The following TAOK3 variants were observed in gnomAD, a reference collection of about 807,000 sequenced individuals.
TAOK3 encodes the protein serine/threonine-protein kinase TAO3.
In TAOK3, 40 loss-of-function variants were observed where a neutral mutation model predicts 120.4. That is an observed-to-expected ratio of 0.33 (90% CI 0.26 to 0.43). The LOEUF is 0.43. Ranked by LOEUF, TAOK3 falls within the 20% of genes least tolerant of loss-of-function variation. The probability of loss-of-function intolerance (pLI) is 1.00; values close to 1 mark genes in which losing one functional copy is unlikely to be tolerated. For missense variants in TAOK3, 821 were observed against 1,112.1 expected (o/e 0.74, Z 3.72); for synonymous variants, 355 against 387.5 (o/e 0.92, Z 0.99).
rs561309606 is a variant in TAOK3 at position 118,274,000 on chromosome 12, T to C, written c.-193-7241A>G. On this transcript the variant is annotated intron_variant, in intron 1 of 20. Coordinates refer to ENST00000392533, the MANE Select transcript of TAOK3 (RefSeq NM_016281.4). ...ATCTTAACTTTACAGCAGTGAAAAA[T>C]GAAGTATAAATATATAGTATCTTTT... is the stretch of plus-strand genomic sequence containing the variant. 5.3e-5 allele frequency among the ~76,000 whole-genome samples: 8 copies of C among 152,122 alleles called. No homozygotes were observed. The South Asian group carries it at 1.7e-3, about 32-fold the overall frequency.
intron 1 of TAOK3, among the ~76,000 whole-genome samples, chr12:118,303,471 T>C (rs1566088995): frequency 6.6e-6 from 1 of 152,206 alleles, no homozygotes; most frequent in Non-Finnish European, 1.5e-5. Flanking sequence ...TCCATTACAA[T>C]AGAACAATGC....
chr12:118,160,418 C>T lies in TAOK3; in HGVS notation c.2140-60G>A. On this transcript the variant is annotated intron_variant, in intron 18 of 20. Transcript: ENST00000392533. The surrounding 1 kb of genome is among the most constrained non-coding windows in gnomAD (Gnocchi z 4.2). ...CACATCAGTAAATACAGAAAGCCTTCTACCATAATGATATAATACAAGTGC... is the reference window on the plus strand; with the variant it reads ...CACATCAGTAAATACAGAAAGCCTTTTACCATAATGATATAATACAAGTGC... 7.2e-7 allele frequency: 1 copy of T among 1,395,820 alleles called. No homozygotes were observed. The highest frequency in any genetic ancestry group is 1.0e-6 in the Non-Finnish European group (1 of 993,816). The allele number at this position is 1,395,820 out of a possible 1,614,324, so 86.5% of individuals were successfully genotyped here.
Position 118,160,400 on chromosome 12 carries a change from G to A in TAOK3, c.2140-42C>T, listed in dbSNP as rs367789585. On this transcript the variant is annotated intron_variant, in intron 18 of 20. Transcript: ENST00000392533. This position sits in a 1 kb window ranked among gnomAD's most constrained non-coding sequence, Gnocchi z 4.2. ...ACAAAGGAAAAATAAAGGCACATCAGTAAATACAGAAAGCCTTCTACCATA... is the reference window on the plus strand; with the variant it reads ...ACAAAGGAAAAATAAAGGCACATCAATAAATACAGAAAGCCTTCTACCATA... 2.6e-6 allele frequency: 4 copies of A among 1,521,692 alleles called. No homozygotes were observed. The African/African-American group carries it at 4.1e-5, about 16-fold the overall frequency. 94.3% of individuals were successfully genotyped at this position (1,521,692 alleles called of 1,614,324 possible).
chr12:118,162,216 G>A (rs1439827743), intron 17 of TAOK3, among the ~76,000 whole-genome samples, 189 bp from the exon 18 acceptor site: 1 of 152,058 alleles, frequency 6.6e-6, no homozygotes, highest in Non-Finnish European at 1.5e-5. Flanking sequence ...CTGTTCCTGG[G>A]TCCACCACTT....
At chr12:118,269,049 A>G (rs2041583485) in intron 1 of TAOK3, among the ~76,000 whole-genome samples, 1 of 151,936 alleles carries the variant, frequency 6.6e-6, no homozygotes, top group South Asian at 2.1e-4. Context: ...AAGAAAAAAG[A>G]AAAGAAAGAG....
At position 118,233,669 on chromosome 12, in the gene TAOK3, C is replaced by T; in HGVS notation, c.643+5G>A. 1 of 1,587,682 alleles carries T rather than the reference C, an allele frequency of 6.3e-7. No individual in the cohort carries two copies. The highest frequency in any genetic ancestry group is 8.6e-7 in the Non-Finnish European group (1 of 1,158,138). On this transcript the variant is annotated splice_donor_5th_base_variant and intron_variant, in intron 9 of 20. Coordinates refer to ENST00000392533, the MANE Select transcript of TAOK3 (RefSeq NM_016281.4). ...TACAATGAAAACAAATAACTCTTTA[C>T]TCACCCAATTCAATACAAGTGATGC...
chr12:118,151,060 C>T lies in TAOK3; in HGVS notation c.2634G>A (p.Glu878=), dbSNP rs2034365018. 7.4e-6 allele frequency: 12 copies of T among 1,612,228 alleles called. No homozygotes were observed. The highest frequency in any genetic ancestry group is 8.5e-6 in the Non-Finnish European group (10 of 1,179,822). ...AATTCCCAAATCCCATTCTGAGGCT[C>T]TCCATGTCAAAAGTTTCAATCTCTC... ...QEREIETFDM[E]SLRMGFGNLV... is the part of the protein sequence containing the mutation. The change falls in exon 21 of 21, where the codon GAG becomes GAA. Residue 878 remains glutamate (E), a synonymous_variant. Transcript: ENST00000392533.
chr12:118,175,322 C>G (rs1043253287), intron 16 of TAOK3, among the ~76,000 whole-genome samples: 4 of 152,074 alleles, frequency 2.6e-5, no homozygotes, highest in African/African-American at 9.7e-5. Flanking sequence ...TATTGCTAAC[C>G]TACAAATCAG....
At position 118,246,514 on chromosome 12, in the gene TAOK3, C is replaced by A. The variant is rs2040513405; in HGVS notation, c.121-1549G>T. Reference sequence around the variant, plus strand: ...CACGTCGGTCTGGGTGTTAAGTGCTCCAAGGAGGTGGCCACCGCCATCCGT... The same window carrying A: ...CACGTCGGTCTGGGTGTTAAGTGCTACAAGGAGGTGGCCACCGCCATCCGT... On this transcript the variant is annotated intron_variant, in intron 3 of 20. Coordinates refer to ENST00000392533, the MANE Select transcript of TAOK3 (RefSeq NM_016281.4). 17 of 1,564,470 alleles carry A rather than the reference C, an allele frequency of 1.1e-5. No individual in the cohort carries two copies. In the South Asian group the frequency reaches 1.9e-4, roughly 18 times the overall value.
chr12:118,266,763 T>C lies in TAOK3; in HGVS notation c.-193-4A>G, dbSNP rs905435669. On this transcript the variant is annotated splice_region_variant and splice_polypyrimidine_tract_variant and intron_variant, in intron 1 of 20. Transcript: ENST00000392533. ...TCCTTTGTATTTATGATGCAACCTA[T>C]AGAAAAAGAAGAACAAAATACATAA... 24 of 396,774 alleles carry C rather than the reference T, an allele frequency of 6.0e-5. No homozygotes were observed. The highest frequency in any genetic ancestry group is 1.3e-4 in the South Asian group (1 of 7,808). The allele number at this position is 396,774 out of a possible 1,614,324, so 24.6% of individuals were successfully genotyped here.
At chr12:118,247,770 C>A (rs2140066676) in intron 3 of TAOK3, among the ~76,000 whole-genome samples, 1 of 152,308 alleles carries the variant, frequency 6.6e-6, no homozygotes, top group South Asian at 2.1e-4. Context: ...CCGCATCAGC[C>A]TCCCAAAGTA....
At chr12:118,196,955 C>T (rs972592591) in intron 13 of TAOK3, among the ~76,000 whole-genome samples, 64 of 152,058 alleles carry the variant, frequency 4.2e-4, no homozygotes, top group Middle Eastern at 3.2e-3. Context: ...GTTTAATATA[C>T]AAAATTTTCT....
At chr12:118,217,860 T>TAC (rs1555223886) in intron 9 of TAOK3, among the ~76,000 whole-genome samples, 6 of 81,662 alleles carry the variant, frequency 7.3e-5, no homozygotes, top group East Asian at 9.7e-4. Context: ...TATATATATA[T>TAC]ACACTTTTTT....
chr12:118,278,076 C>G (rs1041118435), intron 1 of TAOK3, among the ~76,000 whole-genome samples: 8 of 151,990 alleles, frequency 5.3e-5, no homozygotes, highest in African/African-American at 1.7e-4. Flanking sequence ...TGCCCCCACC[C>G]CAAAAGCCTA....
At chr12:118,337,961 T>C (rs538527915) in intron 1 of TAOK3, among the ~76,000 whole-genome samples, 11 of 152,332 alleles carry the variant, frequency 7.2e-5, no homozygotes, top group Non-Finnish European at 1.2e-4. Context: ...TGTGATACCA[T>C]CTTATAGATT....
chr12:118,337,809 T>C (rs2044428509), intron 1 of TAOK3, among the ~76,000 whole-genome samples: 1 of 152,218 alleles, frequency 6.6e-6, no homozygotes, highest in Non-Finnish European at 1.5e-5. Context: ...TGTAGCCTCA[T>C]GATAACACTT....
intron 5 of TAOK3, among the ~76,000 whole-genome samples, chr12:118,240,838 A>G (rs958913381): frequency 6.6e-6 from 1 of 152,080 alleles, no homozygotes; most frequent in Admixed American, 6.5e-5. Flanking sequence ...AACCAATATC[A>G]ACATATTAGT....
At chr12:118,168,238 T>A (rs1365520038) in intron 17 of TAOK3, among the ~76,000 whole-genome samples, 2 of 152,200 alleles carry the variant, frequency 1.3e-5, no homozygotes, top group African/African-American at 4.8e-5. Flanking sequence ...AGACGAATAA[T>A]TACTGGAGCT....
chr12:118,356,100 T>A (rs975576046), intron 1 of TAOK3, among the ~76,000 whole-genome samples: 1 of 152,180 alleles, frequency 6.6e-6, no homozygotes, highest in African/African-American at 2.4e-5. Flanking sequence ...AATTGTGTGA[T>A]ACAAATGATA....
Sources: allele counts gnomAD v4.1 joint callset (sites outside exome capture counted in the v4.1 genomes callset), GRCh38; gene constraint gnomAD v4.1.1; non-coding constraint Gnocchi (gnomAD v3.1); transcripts MANE v1.5; gene names NCBI Gene and HGNC (gene_info 2026-07-23, HGNC 2026-07-21).